The following PLEKHA2 variants were observed in gnomAD, a reference collection of about 807,000 sequenced individuals.
The protein encoded by PLEKHA2 is pleckstrin homology domain-containing family A member 2.
In PLEKHA2, 28 loss-of-function variants were observed where a neutral mutation model predicts 53.2. The observed-to-expected ratio is 0.53, with a 90% confidence interval of 0.39 to 0.72. PLEKHA2 has a LOEUF of 0.72. Among genes scored for constraint, PLEKHA2 ranks in the 30% least tolerant of loss-of-function variants. The pLI, the probability that PLEKHA2 is intolerant of heterozygous loss-of-function variation, is 0.00. For missense variants in PLEKHA2, 426 were observed against 537.9 expected (o/e 0.79, Z 2.06); for synonymous variants, 193 against 196.4 (o/e 0.98, Z 0.14).
intron 3 of PLEKHA2, among the ~76,000 whole-genome samples, chr8:38,940,650 C>CCG (rs1457989198): frequency 1.1e-4 from 6 of 56,942 alleles, no homozygotes; most frequent in African/African-American, 4.9e-4. Context: ...ATTGAAGGGG[C>CCG]GGGGGGGGGG....
At chr8:38,928,236 C>CTT (rs11414317) in intron 2 of PLEKHA2, among the ~76,000 whole-genome samples, 12,933 of 110,050 alleles carry the variant, frequency 0.12, 1,296 homozygotes, top group South Asian at 0.19. Context: ...CTGACCTGGT[C>CTT]TTTTTTTTTT....
chr8:38,960,384 C>G (rs1048714345), intron 10 of PLEKHA2, among the ~76,000 whole-genome samples: 1 of 152,080 alleles, frequency 6.6e-6, no homozygotes, highest in Non-Finnish European at 1.5e-5. Context: ...GAGGCTGAGG[C>G]AGGAGGAGAG....
At chr8:38,907,617 T>C (rs946626874) in intron 1 of PLEKHA2, among the ~76,000 whole-genome samples, 3 of 151,918 alleles carry the variant, frequency 2.0e-5, no homozygotes, top group Non-Finnish European at 4.4e-5. Flanking sequence ...AAAAATTAGC[T>C]GGGTATGGTG....
intron 1 of PLEKHA2, chr8:38,902,052 G>GA (rs1227534326): frequency 6.6e-6 from 1 of 152,358 alleles, no homozygotes; most frequent in Non-Finnish European, 1.5e-5. Flanking sequence ...CAGTGAAAAG[G>GA]ACTGCCCTAA....
At chr8:38,931,592 C>T (rs763110510) in intron 2 of PLEKHA2, among the ~76,000 whole-genome samples, 2 of 152,182 alleles carry the variant, frequency 1.3e-5, no homozygotes, top group South Asian at 2.1e-4. Flanking sequence ...CACGAGAAAA[C>T]GTTGTTTGCC....
intron 2 of PLEKHA2, among the ~76,000 whole-genome samples, chr8:38,923,912 C>T (rs748384355): frequency 4.6e-5 from 7 of 152,208 alleles, no homozygotes; most frequent in East Asian, 1.9e-4. Flanking sequence ...AGTGCAGTGG[C>T]GCGATCTCAG....
At chr8:38,938,284 G>A (rs1168275789) in intron 3 of PLEKHA2, among the ~76,000 whole-genome samples, 1 of 152,156 alleles carries the variant, frequency 6.6e-6, no homozygotes, top group Non-Finnish European at 1.5e-5. Flanking sequence ...GACACACCCT[G>A]CTTTTGCCTA....
At chr8:38,961,349 C>T (rs1835036622) in intron 10 of PLEKHA2, among the ~76,000 whole-genome samples, 1 of 152,004 alleles carries the variant, frequency 6.6e-6, no homozygotes, top group Admixed American at 6.6e-5. Flanking sequence ...TCAGCCTGGC[C>T]AACATAGTGA....
intron 2 of PLEKHA2, among the ~76,000 whole-genome samples, chr8:38,929,049 C>G (rs995890073): frequency 3.9e-5 from 6 of 152,246 alleles, no homozygotes; most frequent in Non-Finnish European, 8.8e-5. Context: ...CAAATGTCTA[C>G]TCTGAGCTAT....
At chr8:38,917,074 C>T (rs1834074536) in intron 1 of PLEKHA2, among the ~76,000 whole-genome samples, 1 of 152,114 alleles carries the variant, frequency 6.6e-6, no homozygotes, top group Non-Finnish European at 1.5e-5. Context: ...ATGTGTTTTC[C>T]TTGAGAAATG....
rs1254095393 is a variant in PLEKHA2, at chr8:38,972,792, A to G, written c.*3009A>G. On this transcript the variant is annotated 3_prime_UTR_variant, in exon 12 of 12. Transcript: ENST00000617275. ...GAGTTTTTTTTTTTTTAAAGGAACTAAAAAATGTACTGCATTTTCTTTGTG... is the reference window on the plus strand; with the variant it reads ...GAGTTTTTTTTTTTTTAAAGGAACTGAAAAATGTACTGCATTTTCTTTGTG... The G allele has an allele frequency of 6.6e-6, 1 of 152,062 alleles. No individual in the cohort carries two copies. Among genetic ancestry groups the G allele is most frequent in the Non-Finnish European group, 1.5e-5 (1 of 68,020 alleles). The allele number at this position is 152,062 out of a possible 1,614,324, so 9.4% of individuals were successfully genotyped here.
At chr8:38,967,655 C>T (rs1214025531) in intron 10 of PLEKHA2, among the ~76,000 whole-genome samples, 2 of 149,918 alleles carry the variant, frequency 1.3e-5, no homozygotes, top group Admixed American at 6.6e-5. Flanking sequence ...TATTCATGTC[C>T]TTTGCTCACT....
At chr8:38,930,224 T>C (rs1306113423) in intron 2 of PLEKHA2, among the ~76,000 whole-genome samples, 4 of 151,948 alleles carry the variant, frequency 2.6e-5, no homozygotes, top group African/African-American at 7.2e-5. Context: ...ATTTTTGAGA[T>C]GGAGTCTGGC....
chr8:38,914,986 G>A (rs529367983), intron 1 of PLEKHA2, among the ~76,000 whole-genome samples: 4 of 151,624 alleles, frequency 2.6e-5, no homozygotes, highest in South Asian at 4.2e-4. Context: ...TCACTCTGTC[G>A]TCCAGGCTAG....
intron 3 of PLEKHA2, among the ~76,000 whole-genome samples, chr8:38,938,665 AC>A (rs201514986): frequency 2.0e-5 from 3 of 152,166 alleles, no homozygotes; most frequent in East Asian, 3.9e-4. Context: ...CTCCCTGCTC[AC>A]ATCCCTGACC....
At chr8:38,946,660 C>A (rs1050032032) in intron 5 of PLEKHA2, among the ~76,000 whole-genome samples, 1 of 152,140 alleles carries the variant, frequency 6.6e-6, no homozygotes, top group Non-Finnish European at 1.5e-5. Context: ...CCAAGCCATC[C>A]GCCTCCCTGT....
intron 5 of PLEKHA2, among the ~76,000 whole-genome samples, chr8:38,948,439 C>T (rs1834757730): frequency 6.6e-6 from 1 of 152,146 alleles, no homozygotes; most frequent in Non-Finnish European, 1.5e-5. Context: ...CATTGCCTGG[C>T]ACTGAATGGT....
chr8:38,951,970 G>A (rs1834852497), intron 6 of PLEKHA2, among the ~76,000 whole-genome samples, 196 bp from the exon 7 acceptor site: 1 of 152,090 alleles, frequency 6.6e-6, no homozygotes, highest in African/African-American at 2.4e-5. Context: ...GTCTGGTCTA[G>A]AACTCCTGGG....
intron 10 of PLEKHA2, among the ~76,000 whole-genome samples, chr8:38,958,441 C>G (rs1396835727): frequency 1.3e-5 from 2 of 152,224 alleles, no homozygotes; most frequent in Non-Finnish European, 2.9e-5. Context: ...TTCTGGGCCT[C>G]GAGTGTCACT....
Sources: gnomAD v4.1 joint callset for allele counts (sites outside exome capture counted in the v4.1 genomes callset) on GRCh38, gnomAD v4.1.1 for gene constraint, MANE v1.5 for transcripts, NCBI Gene and HGNC (gene_info 2026-07-23, HGNC 2026-07-21) for gene names.